The following TGFB2 variants were observed in gnomAD, a reference collection of about 807,000 sequenced individuals.
The protein encoded by TGFB2 is transforming growth factor beta-2 proprotein.
Under a neutral mutation model 42.7 loss-of-function variants are expected in TGFB2, and 13 were observed. That is an observed-to-expected ratio of 0.30 (90% CI 0.20 to 0.48). The LOEUF (loss-of-function observed/expected upper bound fraction) is 0.48. Ranked by LOEUF, TGFB2 falls within the 20% of genes least tolerant of loss-of-function variation. TGFB2 has a pLI of 0.99. For synonymous variants in TGFB2, 193 were observed against 193.6 expected, an observed-to-expected ratio of 1.00 and a Z score of 0.03; for missense variants, 390 against 517.5, an observed-to-expected ratio of 0.75 and a Z score of 2.39.
At chr1:218,393,462 G>A (rs1440808824) in intron 1 of TGFB2, among the ~76,000 whole-genome samples, 2 of 152,246 alleles carry the variant, frequency 1.3e-5, no homozygotes, top group South Asian at 2.1e-4. Flanking sequence ...AACACAGGCC[G>A]GCTTCCTTCT....
chr1:218,406,430 C>A (rs1360874942), intron 2 of TGFB2, among the ~76,000 whole-genome samples: 5 of 152,296 alleles, frequency 3.3e-5, no homozygotes, highest in African/African-American at 1.2e-4. Flanking sequence ...AATGTAGAAT[C>A]TCAGGCCCCA....
intron 2 of TGFB2, among the ~76,000 whole-genome samples, chr1:218,432,099 C>A (rs1402719482): frequency 6.6e-6 from 1 of 152,176 alleles, no homozygotes; most frequent in African/African-American, 2.4e-5. Context: ...AAATCCAGCA[C>A]TGAAGTGGGA....
intron 1 of TGFB2, among the ~76,000 whole-genome samples, chr1:218,390,119 G>C (rs568636784): frequency 1.3e-5 from 2 of 152,142 alleles, no homozygotes; most frequent in Non-Finnish European, 2.9e-5. Flanking sequence ...AGAGGACTTA[G>C]TAAATGCTTT....
intron 1 of TGFB2, among the ~76,000 whole-genome samples, chr1:218,392,560 C>T (rs1658349950): frequency 6.6e-6 from 1 of 152,160 alleles, no homozygotes; most frequent in Non-Finnish European, 1.5e-5. Flanking sequence ...TGTCTGGGTT[C>T]TAAGTTCTCT....
intron 2 of TGFB2, among the ~76,000 whole-genome samples, chr1:218,431,007 G>A (rs543818661): frequency 2.0e-5 from 3 of 152,304 alleles, no homozygotes; most frequent in South Asian, 4.1e-4. Flanking sequence ...ACTAAGGACT[G>A]GATAAGAAGA....
At chr1:218,428,795 C>T (rs1659710582) in intron 2 of TGFB2, among the ~76,000 whole-genome samples, 1 of 151,914 alleles carries the variant, frequency 6.6e-6, no homozygotes, top group African/African-American at 2.4e-5. Flanking sequence ...GTTCTTTTGG[C>T]TTAGGTTTGT....
intron 1 of TGFB2, chr1:218,363,407 T>G: frequency 6.2e-7 from 1 of 1,613,750 alleles, no homozygotes; most frequent in Non-Finnish European, 8.5e-7. Flanking sequence ...AGGTGCTCTG[T>G]GGGTACCTTG....
intron 1 of TGFB2, among the ~76,000 whole-genome samples, chr1:218,404,202 C>T (rs1252984207): frequency 6.6e-6 from 1 of 152,100 alleles, no homozygotes; most frequent in Non-Finnish European, 1.5e-5. Flanking sequence ...AGCCTCCGCC[C>T]CCGGGGTTCA....
At chr1:218,352,351 T>G (rs559334978) in intron 1 of TGFB2, among the ~76,000 whole-genome samples, 1 of 152,342 alleles carries the variant, frequency 6.6e-6, no homozygotes, top group South Asian at 2.1e-4. Context: ...TCTGCACAGC[T>G]TGATGAAATG....
rs150348450 is a variant in TGFB2 at position 218,347,031 on chromosome 1, C to T, written c.330C>T (p.Pro110=). 3.8e-6 allele frequency: 6 copies of T among 1,591,126 alleles called. No individual in the cohort carries two copies. In the African/African-American group the frequency reaches 6.7e-5, roughly 18 times the overall value. Residue 110 remains proline, a synonymous_variant, in exon 1 of 7, where the codon CCC becomes CCT. Transcript: ENST00000366930. The part of the protein sequence containing the change: ...AKEVYKIDMP[P]FFPSENAIPP... Reference sequence around the variant, plus strand: ...AGGTTTACAAAATAGACATGCCGCCCTTCTTCCCCTCCGAAAGTAAGTACT... The same window carrying T: ...AGGTTTACAAAATAGACATGCCGCCTTTCTTCCCCTCCGAAAGTAAGTACT...
intron 5 of TGFB2, among the ~76,000 whole-genome samples, chr1:218,436,461 G>A (rs532875376): frequency 6.6e-6 from 1 of 152,196 alleles, no homozygotes; most frequent in African/African-American, 2.4e-5. Flanking sequence ...TATTTGAGGT[G>A]TGTGATGTCA....
rs1659959926 is a variant in TGFB2 at position 218,436,043 on chromosome 1, G to A, written c.828G>A (p.Gly276=). ...AGTCCACTAGGAAAAAAAACAGTGG[G>A]AAGACCCCACATCTCCTGCTAATGT... ...TIKSTRKKNS[G]KTPHLLLMLL... Residue 276 remains glycine (G), a synonymous_variant, in exon 5 of 7, where the codon GGG becomes GGA. Coordinates refer to ENST00000366930, the MANE Select transcript of TGFB2 (RefSeq NM_003238.6). 1 of 1,614,078 alleles carries A rather than the reference G, an allele frequency of 6.2e-7. No homozygotes were observed.
chr1:218,424,533 A>G (rs1659558626), intron 2 of TGFB2, among the ~76,000 whole-genome samples: 1 of 152,236 alleles, frequency 6.6e-6, no homozygotes, highest in African/African-American at 2.4e-5. Context: ...ATCCTATTAA[A>G]TCAGAGGCTC....
rs1368695541 is a variant in TGFB2, at chr1:218,346,078, ACACG to A, written c.-616_-613del. 1.3e-5 allele frequency among the ~76,000 whole-genome samples: 2 copies of A among 151,012 alleles called. No individual in the cohort carries two copies. Among genetic ancestry groups the A allele is most frequent in the East Asian group, 2.0e-4 (1 of 5,040 alleles). ...CACGCACACACACACACACACACAC[ACACG>A]CACGCACACACGTGTGCGCTTCTCT... On this transcript the variant is annotated 5_prime_UTR_variant, in exon 1 of 7. Coordinates refer to ENST00000366930, the MANE Select transcript of TGFB2 (RefSeq NM_003238.6). The surrounding 1 kb of genome is among the most constrained non-coding windows in gnomAD (Gnocchi z 4.9).
chr1:218,417,880 C>T (rs548326762), intron 2 of TGFB2, among the ~76,000 whole-genome samples: 2 of 152,340 alleles, frequency 1.3e-5, no homozygotes, highest in East Asian at 3.9e-4. Context: ...TGTGAGTGCA[C>T]AGAAGTAAAG....
At chr1:218,397,561 C>T (rs1312103134) in intron 1 of TGFB2, among the ~76,000 whole-genome samples, 67 of 112,058 alleles carry the variant, frequency 6.0e-4, no homozygotes, top group African/African-American at 2.7e-3. Context: ...GAGACTCCGT[C>T]TCAAAAAAAA....
intron 1 of TGFB2, among the ~76,000 whole-genome samples, chr1:218,371,830 A>G (rs1354117181): frequency 6.6e-6 from 1 of 152,222 alleles, no homozygotes; most frequent in East Asian, 1.9e-4. Flanking sequence ...GTTCCATGCC[A>G]TCTTAAACAG....
At chr1:218,419,821 T>C (rs1659395783) in intron 2 of TGFB2, among the ~76,000 whole-genome samples, 2 of 152,206 alleles carry the variant, frequency 1.3e-5, no homozygotes, top group Admixed American at 1.3e-4. Flanking sequence ...TTAATATTAA[T>C]AGATAATAAC....
At chr1:218,360,941 G>A (rs777563878) in intron 1 of TGFB2, among the ~76,000 whole-genome samples, 9 of 152,036 alleles carry the variant, frequency 5.9e-5, no homozygotes, top group Non-Finnish European at 8.8e-5. Context: ...TGCAACCTCC[G>A]CCTCCTGGGT....
Sources: allele counts gnomAD v4.1 joint callset (sites outside exome capture counted in the v4.1 genomes callset), GRCh38; gene constraint gnomAD v4.1.1; non-coding constraint Gnocchi (gnomAD v3.1); transcripts MANE v1.5; gene names NCBI Gene and HGNC (gene_info 2026-07-23, HGNC 2026-07-21).